Variants in MAP3K7 observed in about 807,000 individuals in gnomAD.
MAP3K7 encodes mitogen-activated protein kinase kinase kinase 7, also known as TGF-beta activated kinase 1.
MAP3K7 carries 21 observed loss-of-function variants against 84.8 expected under a neutral mutation model. The observed-to-expected ratio is 0.25, with a 90% confidence interval of 0.18 to 0.36. The LOEUF (loss-of-function observed/expected upper bound fraction) is 0.36. Among genes scored for constraint, MAP3K7 ranks in the 10% least tolerant of loss-of-function variants. The pLI is 1.00. For missense variants in MAP3K7, 503 were observed against 747.7 expected, an observed-to-expected ratio of 0.67 and a Z score of 3.82; for synonymous variants, 241 against 247.7, an observed-to-expected ratio of 0.97 and a Z score of 0.25.
At chr6:90,539,776 AATTT>A (rs1323346111) in intron 12 of MAP3K7, among the ~76,000 whole-genome samples, 2 of 151,836 alleles carry the variant, frequency 1.3e-5, no homozygotes, top group Admixed American at 1.3e-4. Flanking sequence ...CCACCTAGAT[AATTT>A]ATTTGCCAAT....
intron 1 of MAP3K7, among the ~76,000 whole-genome samples, 195 bp from the exon 2 acceptor site, chr6:90,572,002 A>T (rs529822863): frequency 6.6e-6 from 1 of 152,044 alleles, no homozygotes; most frequent in African/African-American, 2.4e-5. Context: ...AGATAATTAA[A>T]TGCATGCTTG....
At chr6:90,565,077 A>G (rs536593713) in intron 3 of MAP3K7, among the ~76,000 whole-genome samples, 12 of 152,218 alleles carry the variant, frequency 7.9e-5, no homozygotes, top group Non-Finnish European at 1.5e-4. Flanking sequence ...AGGGAAATTT[A>G]TAGCACTAAA....
intron 9 of MAP3K7, 112 bp downstream of exon 9, chr6:90,550,356 G>A (rs1363580235): frequency 1.6e-6 from 1 of 644,190 alleles, no homozygotes; most frequent in Non-Finnish European, 2.6e-6. Context: ...CATATGAAAT[G>A]AAGGAATTAA....
intron 12 of MAP3K7, among the ~76,000 whole-genome samples, chr6:90,538,862 T>C: frequency 6.6e-6 from 1 of 151,916 alleles, no homozygotes; most frequent in East Asian, 1.9e-4. Context: ...AAGCTCATAG[T>C]TTTCCTTGAC....
intron 3 of MAP3K7, among the ~76,000 whole-genome samples, chr6:90,563,002 AG>A (rs1209290655): frequency 2.0e-5 from 3 of 152,238 alleles, no homozygotes; most frequent in Non-Finnish European, 2.9e-5. Flanking sequence ...ACAAACCTGC[AG>A]CTGAGGTCCT....
intron 10 of MAP3K7, among the ~76,000 whole-genome samples, 154 bp from the exon 11 acceptor site, chr6:90,547,541 GT>G (rs1463251705): frequency 6.6e-6 from 1 of 152,186 alleles, no homozygotes. Flanking sequence ...AGCTACAGGG[GT>G]AAGGGAAAGC....
chr6:90,558,252 G>A (rs1582211990), intron 5 of MAP3K7, among the ~76,000 whole-genome samples: 1 of 152,128 alleles, frequency 6.6e-6, no homozygotes, highest in Non-Finnish European at 1.5e-5. Flanking sequence ...AACCCGGGAG[G>A]TGGAGGTTGT....
intron 3 of MAP3K7, 62 bp downstream of exon 3, chr6:90,568,496 C>G (rs1776791398): frequency 7.3e-7 from 1 of 1,367,956 alleles, no homozygotes; most frequent in South Asian, 1.3e-5. Flanking sequence ...GCTACATAAA[C>G]TACACACACA....
At chr6:90,581,788 T>G (rs1389811251) in intron 1 of MAP3K7, among the ~76,000 whole-genome samples, 1 of 152,064 alleles carries the variant, frequency 6.6e-6, no homozygotes, top group African/African-American at 2.4e-5. Flanking sequence ...AAATAGTGAC[T>G]AACAAATCTA....
intron 1 of MAP3K7, 151 bp from the exon 2 acceptor site, chr6:90,571,958 C>T (rs1201968781): frequency 4.2e-6 from 2 of 476,724 alleles, no homozygotes; most frequent in African/African-American, 4.1e-5. Context: ...CTGGATTTGC[C>T]ACTGAACAAG....
intron 4 of MAP3K7, 45 bp from the exon 5 acceptor site, chr6:90,560,259 A>G: frequency 6.2e-7 from 1 of 1,604,424 alleles, no homozygotes; most frequent in South Asian, 1.1e-5. Flanking sequence ...ATTGCATATA[A>G]CAAAAGACAC....
Position 90,516,631 on chromosome 6 carries a change from G to A in MAP3K7, c.1691C>T (p.Thr564Ile), listed in dbSNP as rs755574294. 5 of 1,611,080 alleles carry A rather than the reference G, an allele frequency of 3.1e-6. No individual in the cohort carries two copies. Residue 564 changes from threonine to isoleucine, a missense_variant, in exon 17 of 17, where the codon ACA becomes ATA. Transcript: ENST00000369329. ...TTTATGTTCCTGTACCAGGCGAGATGTATTTTGCTGGTCCTTTTCATCCTG... is the reference window on the plus strand; with the variant it reads ...TTTATGTTCCTGTACCAGGCGAGATATATTTTGCTGGTCCTTTTCATCCTG... ...LDQDEKDQQN[T>I]SRLVQEHKKL...
At chr6:90,534,593 C>T (rs1420200749) in intron 13 of MAP3K7, among the ~76,000 whole-genome samples, 1 of 152,080 alleles carries the variant, frequency 6.6e-6, no homozygotes, top group Non-Finnish European at 1.5e-5. Flanking sequence ...GCCTCAGTTC[C>T]AGCGTTTTAC....
chr6:90,586,167 T>C (rs1158323294), intron 1 of MAP3K7, among the ~76,000 whole-genome samples: 4 of 151,276 alleles, frequency 2.6e-5, no homozygotes, highest in East Asian at 1.9e-4. Context: ...GGTCAGGAGA[T>C]CGAGACCATC....
At chr6:90,536,778 T>G (rs1290957405) in intron 12 of MAP3K7, 1 of 177,078 alleles carries the variant, frequency 5.6e-6, no homozygotes, top group Non-Finnish European at 1.2e-5. Flanking sequence ...TACGTTACAG[T>G]TTTTACAGCA....
At chr6:90,582,057 T>A (rs530996922) in intron 1 of MAP3K7, among the ~76,000 whole-genome samples, 1 of 152,334 alleles carries the variant, frequency 6.6e-6, no homozygotes, top group East Asian at 1.9e-4. Flanking sequence ...AGGTCAGCAT[T>A]ATGGGTCTCC....
chr6:90,538,337 T>C (rs1449237495), intron 12 of MAP3K7, among the ~76,000 whole-genome samples: 3 of 151,968 alleles, frequency 2.0e-5, no homozygotes, highest in African/African-American at 7.2e-5. Context: ...TAAATTTGAA[T>C]TGATTCTGAA....
intron 9 of MAP3K7, among the ~76,000 whole-genome samples, chr6:90,549,665 AAG>A (rs1776120466): frequency 1.3e-5 from 2 of 152,188 alleles, no homozygotes; most frequent in Non-Finnish European, 2.9e-5. Context: ...TAAGGAAATG[AAG>A]AGAGAGTTTA....
At chr6:90,555,336 T>C (rs1228643522) in intron 6 of MAP3K7, among the ~76,000 whole-genome samples, 1 of 151,892 alleles carries the variant, frequency 6.6e-6, no homozygotes, top group Non-Finnish European at 1.5e-5. Context: ...GCTCACTGCA[T>C]GCTCCGCCTC....
Sources: allele counts gnomAD v4.1 joint callset (sites outside exome capture counted in the v4.1 genomes callset), GRCh38; gene constraint gnomAD v4.1.1; transcripts MANE v1.5; gene names NCBI Gene and HGNC (gene_info 2026-07-23, HGNC 2026-07-21).